The following VEPH1 variants were observed in gnomAD, a reference collection of about 807,000 sequenced individuals.
The protein encoded by VEPH1 is ventricular zone-expressed PH domain-containing protein homolog 1.
In VEPH1, 80 loss-of-function variants were observed where a neutral mutation model predicts 85.2. The ratio of observed to expected loss-of-function variants is 0.94; its 90% CI spans 0.78 to 1.13. The LOEUF (loss-of-function observed/expected upper bound fraction) is 1.13. VEPH1 is among the 50% of genes most tolerant of loss of function. The pLI, the probability that VEPH1 is intolerant of heterozygous loss-of-function variation, is 0.00. For missense variants in VEPH1, 955 were observed against 980.5 expected (o/e 0.97, Z 0.35); for synonymous variants, 297 against 348.0 (o/e 0.85, Z 1.63).
Position 157,438,031 on chromosome 3 carries a change from GCGCGCGCACA to G in VEPH1, c.530-9553_530-9544del, listed in dbSNP as rs1436908250. 3.8e-5 allele frequency: 31 copies of G among 820,190 alleles called. No individual in the cohort carries two copies. The African/African-American group carries it at 5.1e-4, about 14-fold the overall frequency. 50.8% of individuals were successfully genotyped at this position (820,190 alleles called of 1,614,324 possible). ...AAGCTTTCATGGGAAGCGCGCGCGC[GCGCGCGCACA>G]CACACACACACACACACACACACAC... On this transcript the variant is annotated intron_variant, in intron 4 of 13. Coordinates refer to ENST00000362010, the MANE Select transcript of VEPH1 (RefSeq NM_001167912.2).
chr3:157,434,146 A>G (rs1733374498), intron 4 of VEPH1, among the ~76,000 whole-genome samples: 2 of 151,682 alleles, frequency 1.3e-5, no homozygotes, highest in South Asian at 4.2e-4. Context: ...TCTATTTTTT[A>G]CTGATATTAC....
intron 9 of VEPH1, among the ~76,000 whole-genome samples, chr3:157,343,432 A>C (rs1723822885): frequency 6.6e-6 from 1 of 152,230 alleles, no homozygotes; most frequent in Non-Finnish European, 1.5e-5. Flanking sequence ...TATAGAAGAA[A>C]TGGATAAATT....
intron 7 of VEPH1, among the ~76,000 whole-genome samples, chr3:157,374,506 G>A (rs1213669705): frequency 6.6e-6 from 1 of 152,218 alleles, no homozygotes; most frequent in Non-Finnish European, 1.5e-5. Context: ...GGAAGTTCTT[G>A]TGAACACTTT....
At chr3:157,311,601 T>C (rs1720119625) in intron 11 of VEPH1, among the ~76,000 whole-genome samples, 1 of 152,220 alleles carries the variant, frequency 6.6e-6, no homozygotes, top group Admixed American at 6.5e-5. Context: ...ATTTTATATT[T>C]TGTTTACAGT....
chr3:157,309,843 G>T (rs62281378), intron 11 of VEPH1, among the ~76,000 whole-genome samples: 3 of 151,838 alleles, frequency 2.0e-5, no homozygotes, highest in Non-Finnish European at 4.4e-5. Flanking sequence ...GCAGTGGCGG[G>T]ATCTTGGCTC....
chr3:157,369,180 G>GGAAAAAA (rs1553773035), intron 7 of VEPH1, among the ~76,000 whole-genome samples: 1 of 42,780 alleles, frequency 2.3e-5, no homozygotes, highest in Non-Finnish European at 4.0e-5. Context: ...AAAACCAAAT[G>GGAAAAAA]AAAAAAAAAA....
Position 157,414,001 on chromosome 3 carries a change from TG to T in VEPH1, c.785del (p.Ala262GlufsTer8). The part of the protein sequence containing the change: ...DIILNILIEI[A>X]VYEPVALNSF... ...TGTTCAAAGCCACTGGCTCATAGACTGCTATCTCTATGAGGATGTTTAGGAT... is the reference window on the plus strand; with the variant it reads ...TGTTCAAAGCCACTGGCTCATAGACTCTATCTCTATGAGGATGTTTAGGAT... On this transcript the variant is annotated frameshift_variant, in exon 6 of 14. Transcript: ENST00000362010. LOFTEE classifies it high-confidence loss of function. The T allele has an allele frequency of 6.2e-7, 1 of 1,613,064 alleles. No individual in the cohort carries two copies. The highest frequency in any genetic ancestry group is 1.7e-5 in the Admixed American group (1 of 59,944).
intron 11 of VEPH1, among the ~76,000 whole-genome samples, chr3:157,294,840 C>G (rs1349744964): frequency 6.6e-6 from 1 of 152,164 alleles, no homozygotes; most frequent in Admixed American, 6.5e-5. Flanking sequence ...AAGTGAAATA[C>G]CATCTAGAGA....
chr3:157,459,725 A>C, intron 4 of VEPH1: 10 of 1,419,666 alleles, frequency 7.0e-6, no homozygotes, highest in Admixed American at 2.9e-5. Flanking sequence ...TTGTTATCCA[A>C]ATCATGTTCA....
chr3:157,481,251 GT>G (rs1387100813), intron 2 of VEPH1, among the ~76,000 whole-genome samples: 1 of 151,820 alleles, frequency 6.6e-6, no homozygotes, highest in Non-Finnish European at 1.5e-5. Flanking sequence ...TAGGTTATCT[GT>G]TTACTTTGTT....
intron 9 of VEPH1, among the ~76,000 whole-genome samples, chr3:157,322,029 G>A (rs1245009231): frequency 2.0e-5 from 3 of 151,982 alleles, no homozygotes; most frequent in Non-Finnish European, 4.4e-5. Flanking sequence ...TCACATTGTT[G>A]TGCAAACATC....
At position 157,495,212 on chromosome 3, in the gene VEPH1, T is replaced by G. The variant is rs1260206984; in HGVS notation, c.138A>C (p.Ser46=). ...LEQIKIISSS[S]DYQTNNNDQA... is the part of the protein sequence containing the mutation. ...GTAGTCTATAAACCAGTTTACTTACTGAAGATGAGCTAATTATCTTAATTT... is the reference window on the plus strand; with the variant it reads ...GTAGTCTATAAACCAGTTTACTTACGGAAGATGAGCTAATTATCTTAATTT... The change falls in exon 2 of 14, where the codon TCA becomes TCC. Residue 46 remains serine (S), a splice_region_variant and synonymous_variant. Coordinates refer to ENST00000362010, the MANE Select transcript of VEPH1 (RefSeq NM_001167912.2). The G allele has an allele frequency of 6.2e-7, 1 of 1,613,684 alleles. No homozygotes were observed. Among genetic ancestry groups the G allele is most frequent in the Non-Finnish European group, 8.5e-7 (1 of 1,179,816 alleles).
At chr3:157,359,079 G>C (rs900786940) in intron 9 of VEPH1, among the ~76,000 whole-genome samples, 1 of 152,186 alleles carries the variant, frequency 6.6e-6, no homozygotes, top group African/African-American at 2.4e-5. Flanking sequence ...TTAAAAATTA[G>C]CTTTCTATAA....
chr3:157,378,306 GT>G (rs1728363685), intron 7 of VEPH1, among the ~76,000 whole-genome samples: 1 of 94,636 alleles, frequency 1.1e-5, no homozygotes, highest in African/African-American at 4.5e-5. Flanking sequence ...TTTTTGAATG[GT>G]ATATATATAT....
intron 4 of VEPH1, among the ~76,000 whole-genome samples, chr3:157,438,073 C>CACACA (rs1560062154): frequency 2.2e-5 from 3 of 136,750 alleles, no homozygotes; most frequent in Admixed American, 7.0e-5. Context: ...ACACACACAC[C>CACACA]CCTATTTCTG....
chr3:157,473,151 C>T (rs1215663299), intron 2 of VEPH1, among the ~76,000 whole-genome samples: 1 of 146,512 alleles, frequency 6.8e-6, no homozygotes, highest in Non-Finnish European at 1.5e-5. Flanking sequence ...CAGGTCACTG[C>T]CACTTCCGCC....
chr3:157,298,013 G>A (rs1480422815), intron 11 of VEPH1, among the ~76,000 whole-genome samples: 1 of 152,096 alleles, frequency 6.6e-6, no homozygotes, highest in East Asian at 1.9e-4. Flanking sequence ...AGTTCTTACT[G>A]AGGAGGCCAA....
At chr3:157,381,721 A>C (rs79014676) in intron 6 of VEPH1, 1 of 194,052 alleles carries the variant, frequency 5.2e-6, no homozygotes, top group Non-Finnish European at 1.1e-5. Flanking sequence ...TCGGTCTCAG[A>C]AAAAAAAAAT....
At chr3:157,379,297 T>G in intron 7 of VEPH1, among the ~76,000 whole-genome samples, 1 of 152,244 alleles carries the variant, frequency 6.6e-6, no homozygotes, top group Non-Finnish European at 1.5e-5. Context: ...TATCTTTGTA[T>G]GTGCTATTTT....
Sources: allele counts gnomAD v4.1 joint callset (sites outside exome capture counted in the v4.1 genomes callset), GRCh38; gene constraint gnomAD v4.1.1; transcripts MANE v1.5; gene names NCBI Gene and HGNC (gene_info 2026-07-23, HGNC 2026-07-21).